Variants in PDZD2 observed in about 807,000 individuals in gnomAD.
PDZD2 encodes the protein PDZ domain containing 2, also known as PDZ domain-containing protein 2.
PDZD2 carries 90 observed loss-of-function variants against 220.7 expected under a neutral mutation model. The observed-to-expected ratio is 0.41, with a 90% CI of 0.34 to 0.49. The LOEUF is 0.49. PDZD2 is among the 20% of genes least tolerant of loss of function. The pLI is 0.28. For missense variants in PDZD2, 3,174 were observed against 3,608.5 expected (o/e 0.88, Z 3.08); for synonymous variants, 1,375 against 1,450.5 (o/e 0.95, Z 1.18).
intron 2 of PDZD2, among the ~76,000 whole-genome samples, chr5:31,907,768 C>A (rs190531108): frequency 3.8e-4 from 58 of 152,194 alleles, no homozygotes; most frequent in African/African-American, 1.4e-3. Flanking sequence ...AAAAGGATCT[C>A]CCAATTAAAT....
intron 2 of PDZD2, among the ~76,000 whole-genome samples, chr5:31,859,077 C>T (rs1299643417): frequency 6.6e-6 from 1 of 152,040 alleles, no homozygotes. Context: ...TCCTGTGGCC[C>T]CACCCAGAAG....
At chr5:31,905,739 T>G (rs1742584553) in intron 2 of PDZD2, among the ~76,000 whole-genome samples, 1 of 152,198 alleles carries the variant, frequency 6.6e-6, no homozygotes, top group Admixed American at 6.5e-5. Context: ...CAACACTGAT[T>G]TATAACTTTT....
rs1465649183 is a variant in PDZD2 at position 31,646,784 on chromosome 5, A to G, written c.-361+7347A>G. Among the ~76,000 whole-genome samples, 1 of 152,182 alleles carries G rather than the reference A, an allele frequency of 6.6e-6. No homozygotes were observed. The highest frequency in any genetic ancestry group is 1.5e-5 in the Non-Finnish European group (1 of 68,026). Reference sequence around the variant, plus strand: ...GCATAGCTTTCCTCCACAGTTTGCCACTGCCCACTCTCCACTCCTACCCCG... The same window carrying G: ...GCATAGCTTTCCTCCACAGTTTGCCGCTGCCCACTCTCCACTCCTACCCCG... On this transcript the variant is annotated intron_variant, in intron 1 of 24. Transcript: ENST00000438447. This position sits in a 1 kb window ranked among gnomAD's most constrained non-coding sequence, Gnocchi z 4.7.
intron 2 of PDZD2, among the ~76,000 whole-genome samples, chr5:31,912,788 T>C (rs1363339758): frequency 6.6e-6 from 1 of 152,180 alleles, no homozygotes; most frequent in Non-Finnish European, 1.5e-5. Context: ...GGAGGAAGGC[T>C]TTCTTCTGAA....
At chr5:31,897,523 C>T (rs1187302973) in intron 2 of PDZD2, among the ~76,000 whole-genome samples, 1 of 152,156 alleles carries the variant, frequency 6.6e-6, no homozygotes, top group East Asian at 1.9e-4. Context: ...CACTTGAGAT[C>T]CCAGTTGTCA....
intron 2 of PDZD2, among the ~76,000 whole-genome samples, chr5:31,876,297 CTT>C (rs56153944): frequency 6.2e-4 from 88 of 141,414 alleles, no homozygotes; most frequent in Non-Finnish European, 6.8e-4. Context: ...AATTTTTTTT[CTT>C]TTTTTTTTTT....
intron 1 of PDZD2, among the ~76,000 whole-genome samples, chr5:31,751,309 G>A (rs1186623591): frequency 1.3e-5 from 2 of 152,040 alleles, no homozygotes; most frequent in Non-Finnish European, 2.9e-5. Context: ...AATAGGCGAT[G>A]GGGGTTAGAG....
chr5:31,986,584 G>A (rs746982153), intron 3 of PDZD2, among the ~76,000 whole-genome samples: 3 of 135,612 alleles, frequency 2.2e-5, no homozygotes, highest in African/African-American at 2.8e-5. Context: ...CCAGGACAGA[G>A]ATCAAGGTCT....
At position 32,108,239 on chromosome 5, in the gene PDZD2, G is replaced by A. The variant is rs1561624611; in HGVS notation, c.*104G>A. 2.1e-5 allele frequency: 14 copies of A among 675,644 alleles called. No homozygotes were observed. Among genetic ancestry groups the A allele is most frequent in the South Asian group, 7.5e-5 (3 of 39,924 alleles). The allele number at this position is 675,644 out of a possible 1,614,324, so 41.9% of individuals were successfully genotyped here. Reference sequence around the variant, plus strand: ...AAATGGCCAACACTGGTACAGACACGGACTATAAAAATCTCCAAGCTTGTG... The same window carrying A: ...AAATGGCCAACACTGGTACAGACACAGACTATAAAAATCTCCAAGCTTGTG... On this transcript the variant is annotated 3_prime_UTR_variant, in exon 25 of 25. Transcript: ENST00000438447.
intron 6 of PDZD2, among the ~76,000 whole-genome samples, chr5:32,030,368 G>A (rs900493666): frequency 6.6e-6 from 1 of 152,126 alleles, no homozygotes; most frequent in East Asian, 1.9e-4. Context: ...CTCTTCCTTG[G>A]GATTAGTTTT....
rs138602842 is a variant in PDZD2 at position 32,041,847 on chromosome 5, A to AAAC, written c.1519+4532_1519+4534dup. On this transcript the variant is annotated intron_variant, in intron 7 of 24. Transcript: ENST00000438447. Reference sequence around the variant, plus strand: ...ACCCAAGAATAATCAATAAATACTAAAACAACAACAACAACAACAACAACA... The same window carrying AAAC: ...ACCCAAGAATAATCAATAAATACTAAAACAACAACAACAACAACAACAACAACA... Among the ~76,000 whole-genome samples, 1,277 of 137,832 alleles carry AAAC rather than the reference A, an allele frequency of 9.3e-3. 20 individuals carry two copies. The highest frequency in any genetic ancestry group is 0.027 in the African/African-American group (1,013 of 37,276). The allele number at this position is 137,832 out of a possible 152,430, so 90.4% of individuals were successfully genotyped here. A position where few individuals can be genotyped will look rare whatever the true frequency, so the allele number is the denominator to read the frequency against.
chr5:31,692,062 G>A (rs1411457640), intron 1 of PDZD2, among the ~76,000 whole-genome samples: 1 of 152,240 alleles, frequency 6.6e-6, no homozygotes, highest in Non-Finnish European at 1.5e-5. Context: ...GTGGAGCACG[G>A]GGTGGCGCTC....
chr5:31,727,134 C>CCTCCCACCAGGCCCCACCTCCG (rs1234398898), intron 1 of PDZD2, among the ~76,000 whole-genome samples: 1 of 152,192 alleles, frequency 6.6e-6, no homozygotes, highest in Non-Finnish European at 1.5e-5. Context: ...CGTCCAAACA[C>CCTCCCACCAGGCCCCACCTCCG]CTCCCACCAG....
At chr5:32,006,980 A>G (rs903362681) in intron 5 of PDZD2, among the ~76,000 whole-genome samples, 24 of 120,300 alleles carry the variant, frequency 2.0e-4, no homozygotes, top group Admixed American at 7.3e-4. Flanking sequence ...CAGTGGCGCC[A>G]TCTCAGCTCA....
chr5:32,071,485 A>C, intron 16 of PDZD2, 67 bp downstream of exon 16: 1 of 1,292,814 alleles, frequency 7.7e-7, no homozygotes, highest in Non-Finnish European at 1.1e-6. Context: ...GGAGCCCACA[A>C]GTCAAGCCGG....
chr5:32,043,007 C>T (rs766181301), intron 7 of PDZD2, among the ~76,000 whole-genome samples: 5 of 152,150 alleles, frequency 3.3e-5, no homozygotes, highest in African/African-American at 7.2e-5. Context: ...CAGTCAATGC[C>T]GGGAAAAAGA....
chr5:31,855,449 T>C (rs901214174), intron 2 of PDZD2, among the ~76,000 whole-genome samples: 1 of 152,192 alleles, frequency 6.6e-6, no homozygotes, highest in African/African-American at 2.4e-5. Context: ...GCCCCGGCTG[T>C]GTGTGACGGG....
At chr5:31,905,908 A>G (rs1468368311) in intron 2 of PDZD2, among the ~76,000 whole-genome samples, 1 of 151,988 alleles carries the variant, frequency 6.6e-6, no homozygotes, top group Non-Finnish European at 1.5e-5. Context: ...ACTATTTTAT[A>G]TCAGCTCCCC....
chr5:31,748,764 G>A (rs780589993), intron 1 of PDZD2, among the ~76,000 whole-genome samples: 15 of 152,208 alleles, frequency 9.9e-5, no homozygotes, highest in Non-Finnish European at 1.8e-4. Flanking sequence ...CCAAAGACTC[G>A]GAAAAGGTTT....
Sources: gnomAD v4.1 joint callset for allele counts (sites outside exome capture counted in the v4.1 genomes callset) on GRCh38, gnomAD v4.1.1 for gene constraint, Gnocchi (gnomAD v3.1) non-coding constraint, MANE v1.5 for transcripts, NCBI Gene and HGNC (gene_info 2026-07-23, HGNC 2026-07-21) for gene names.